The following CNTN3 variants were observed in gnomAD, a reference collection of about 807,000 sequenced individuals.
CNTN3 encodes the protein contactin 3.
CNTN3 carries 60 observed loss-of-function variants against 119.1 expected under a neutral mutation model. The ratio of observed to expected loss-of-function variants is 0.50; its 90% CI spans 0.41 to 0.62. The LOEUF is 0.62. Among genes scored for constraint, CNTN3 ranks in the 20% least tolerant of loss-of-function variants. The pLI is 0.00. For synonymous variants in CNTN3, 450 were observed against 438.7 expected (o/e 1.03, Z -0.32); for missense variants, 1,101 against 1,242.4 (o/e 0.89, Z 1.71).
chr3:74,522,082 A>G (rs1703551162), intron 1 of CNTN3, among the ~76,000 whole-genome samples: 1 of 151,864 alleles, frequency 6.6e-6, no homozygotes, highest in Non-Finnish European at 1.5e-5. Flanking sequence ...TCCTGTAGAC[A>G]GTGGTTCCCA....
chr3:74,314,781 G>T (rs1212802426), intron 13 of CNTN3, among the ~76,000 whole-genome samples: 1 of 152,204 alleles, frequency 6.6e-6, no homozygotes, highest in African/African-American at 2.4e-5. Flanking sequence ...GACCTCAACA[G>T]TACCTTCAAT....
At chr3:74,549,367 A>G (rs948529923) in intron 1 of CNTN3, among the ~76,000 whole-genome samples, 1 of 152,150 alleles carries the variant, frequency 6.6e-6, no homozygotes, top group Non-Finnish European at 1.5e-5. Flanking sequence ...CTGTGAGCCT[A>G]TTAAACCTCT....
chr3:74,275,155 A>G (rs958563895), intron 20 of CNTN3, among the ~76,000 whole-genome samples: 2 of 152,190 alleles, frequency 1.3e-5, no homozygotes, highest in Admixed American at 6.5e-5. Context: ...CTGGGATTAT[A>G]TTAAACAACC....
chr3:74,377,689 A>T (rs1315666039), intron 5 of CNTN3, among the ~76,000 whole-genome samples: 1 of 152,222 alleles, frequency 6.6e-6, no homozygotes, highest in Admixed American at 6.5e-5. Flanking sequence ...AATTTTTTTA[A>T]TTCAAAAGTC....
At chr3:74,453,239 T>G (rs1702195746) in intron 4 of CNTN3, among the ~76,000 whole-genome samples, 1 of 107,560 alleles carries the variant, frequency 9.3e-6, no homozygotes, top group South Asian at 2.4e-4. Flanking sequence ...CCTGGTTTAG[T>G]CTTGGAAGAG....
At chr3:74,453,995 G>T (rs1483414746) in intron 4 of CNTN3, among the ~76,000 whole-genome samples, 3 of 149,760 alleles carry the variant, frequency 2.0e-5, no homozygotes, top group African/African-American at 7.3e-5. Flanking sequence ...CTGTTGATTT[G>T]GGGTGGAGAG....
chr3:74,512,225 A>G (rs1212002911), intron 2 of CNTN3, among the ~76,000 whole-genome samples: 2 of 152,180 alleles, frequency 1.3e-5, no homozygotes, highest in African/African-American at 4.8e-5. Context: ...GCAGTCTACT[A>G]TGGGATTTTA....
intron 1 of CNTN3, among the ~76,000 whole-genome samples, chr3:74,548,074 T>C (rs1703938981): frequency 6.6e-6 from 1 of 152,138 alleles, no homozygotes; most frequent in African/African-American, 2.4e-5. Context: ...ATTGAAACAC[T>C]ATCTTTGGTA....
intron 5 of CNTN3, among the ~76,000 whole-genome samples, chr3:74,398,414 A>G (rs1705109987): frequency 6.6e-6 from 1 of 152,258 alleles, no homozygotes; most frequent in Non-Finnish European, 1.5e-5. Context: ...TTTTTCAGCA[A>G]TGAAGTATTT....
chr3:74,612,598 G>A (rs575081332), intron 1 of CNTN3, among the ~76,000 whole-genome samples: 2 of 152,228 alleles, frequency 1.3e-5, no homozygotes, highest in South Asian at 4.1e-4. Flanking sequence ...TAGACACTCG[G>A]TGTCTCGGTT....
intron 2 of CNTN3, among the ~76,000 whole-genome samples, chr3:74,509,821 G>A (rs918111444): frequency 5.3e-5 from 8 of 151,926 alleles, no homozygotes; most frequent in Non-Finnish European, 7.4e-5. Context: ...TATCTCCCTT[G>A]TAGTAATCGT....
chr3:74,495,928 G>A lies in CNTN3; in HGVS notation c.182+3731C>T, dbSNP rs562373023. On this transcript the variant is annotated intron_variant, in intron 3 of 22. Transcript: ENST00000263665. ...TACTTCCTTGTGAAGAGAGAAAAAT[G>A]AAAGCATTTATAGAAAAGAGTTGTG... Among the ~76,000 whole-genome samples, 4 of 152,108 alleles carry A rather than the reference G, an allele frequency of 2.6e-5. No individual in the cohort carries two copies. In the South Asian group the frequency reaches 8.3e-4, roughly 32 times the overall value.
chr3:74,497,523 T>C (rs1450594625), intron 3 of CNTN3, among the ~76,000 whole-genome samples: 1 of 151,938 alleles, frequency 6.6e-6, no homozygotes, highest in Non-Finnish European at 1.5e-5. Context: ...TCTTGTGTTT[T>C]CTAGGTCTCA....
intron 1 of CNTN3, among the ~76,000 whole-genome samples, chr3:74,580,019 G>A (rs569957265): frequency 6.6e-6 from 1 of 152,090 alleles, no homozygotes; most frequent in Non-Finnish European, 1.5e-5. Flanking sequence ...AACAGAGAGG[G>A]AGAATGCAAA....
At chr3:74,439,480 A>T (rs1701925687) in intron 4 of CNTN3, among the ~76,000 whole-genome samples, 1 of 152,210 alleles carries the variant, frequency 6.6e-6, no homozygotes, top group Non-Finnish European at 1.5e-5. Context: ...GCACTCCAAA[A>T]AATAAAAAAG....
intron 19 of CNTN3, among the ~76,000 whole-genome samples, chr3:74,285,806 TA>T (rs1187589816): frequency 1.0e-5 from 1 of 95,612 alleles, no homozygotes; most frequent in East Asian, 2.9e-4. Flanking sequence ...TATATATATA[TA>T]TATATATATA....
chr3:74,361,853 G>C (rs1280245270), intron 11 of CNTN3, 37 bp downstream of exon 11: 5 of 1,566,944 alleles, frequency 3.2e-6, no homozygotes, highest in Non-Finnish European at 4.3e-6. Context: ...GAAAGTGAGA[G>C]GAAAGTAAAT....
intron 5 of CNTN3, among the ~76,000 whole-genome samples, chr3:74,401,795 C>G (rs1441758660): frequency 6.6e-6 from 1 of 152,112 alleles, no homozygotes; most frequent in Non-Finnish European, 1.5e-5. Flanking sequence ...ACATTTCCCC[C>G]ACTCTCACCT....
rs1703410805 is a variant in CNTN3, at chr3:74,513,964, G to T, written c.55+7094C>A. Among the ~76,000 whole-genome samples, 9 of 150,736 alleles carry T rather than the reference G, an allele frequency of 6.0e-5. No individual in the cohort carries two copies. In the South Asian group the frequency reaches 1.9e-3, roughly 32 times the overall value. ...CCAGCTAGGGGTACAGAATTTTTTT[G>T]ACTTTTTTTTTTTTGGTCAACATCA... On this transcript the variant is annotated intron_variant, in intron 2 of 22. Transcript: ENST00000263665.
Sources: gnomAD v4.1 joint callset for allele counts (sites outside exome capture counted in the v4.1 genomes callset) on GRCh38, gnomAD v4.1.1 for gene constraint, MANE v1.5 for transcripts, NCBI Gene and HGNC (gene_info 2026-07-23, HGNC 2026-07-21) for gene names.